NXPE2: variants seen among roughly 807,000 people sequenced by gnomAD.
NXPE2 encodes the protein neurexophilin and PC-esterase domain family member 2.
In NXPE2, 34 loss-of-function variants were observed where a neutral mutation model predicts 34.4. The ratio of observed to expected loss-of-function variants is 0.99; its 90% CI spans 0.75 to 1.31. NXPE2 has a LOEUF of 1.31. Ranked by LOEUF, NXPE2 falls within the 40% of genes most tolerant of loss-of-function variation. NXPE2 has a pLI of 0.00. For synonymous variants in NXPE2, 235 were observed against 231.3 expected (o/e 1.02, Z -0.15); for missense variants, 649 against 672.5 (o/e 0.97, Z 0.39).
the NXPE2 span, among the ~76,000 whole-genome samples, chr11:114,602,118 A>G: frequency 2.0e-5 from 2 of 101,546 alleles, no homozygotes; most frequent in African/African-American, 8.2e-5. Flanking sequence ...ATATATAATT[A>G]TATATATTAT....
chr11:114,526,613 C>T, the NXPE2 span: 1 of 152,216 alleles, frequency 6.6e-6, no homozygotes, highest in Non-Finnish European at 1.5e-5. Context: ...GGTTCTTCCT[C>T]TCTTTCTAGG....
the NXPE2 span, among the ~76,000 whole-genome samples, chr11:114,539,721 T>C: frequency 1.3e-5 from 2 of 152,136 alleles, no homozygotes; most frequent in Non-Finnish European, 2.9e-5. Flanking sequence ...ATACTAGCCC[T>C]AGTGTAAATT....
the NXPE2 span, among the ~76,000 whole-genome samples, chr11:114,501,009 AC>A: frequency 1.3e-5 from 2 of 152,072 alleles, no homozygotes; most frequent in African/African-American, 4.8e-5. Context: ...ACTCTCTTTG[AC>A]CCCTGAATTA....
chr11:114,483,522 A>G, the NXPE2 span, among the ~76,000 whole-genome samples: 2 of 152,228 alleles, frequency 1.3e-5, no homozygotes, highest in South Asian at 4.1e-4. Context: ...GGCACATCTT[A>G]GTACTAAACA....
At chr11:114,633,432 T>C in the NXPE2 span, among the ~76,000 whole-genome samples, 20,496 of 145,856 alleles carry the variant, frequency 0.14, 1,847 homozygotes, top group East Asian at 0.38. Context: ...TACAATATAG[T>C]ATAGTATACA....
the NXPE2 span, among the ~76,000 whole-genome samples, chr11:114,632,167 CAT>C: frequency 7.3e-6 from 1 of 137,732 alleles, no homozygotes; most frequent in Non-Finnish European, 1.5e-5. Flanking sequence ...TAAAATTTAT[CAT>C]ATAATATATA....
the NXPE2 span, among the ~76,000 whole-genome samples, chr11:114,485,695 A>G: frequency 3.3e-5 from 5 of 151,938 alleles, no homozygotes; most frequent in Admixed American, 2.6e-4. Flanking sequence ...TTCTATCTCC[A>G]TGAGTTCAAT....
chr11:114,508,007 C>T, the NXPE2 span, among the ~76,000 whole-genome samples: 20 of 152,226 alleles, frequency 1.3e-4, no homozygotes, highest in Middle Eastern at 6.8e-3. Context: ...AGCCTCAGCC[C>T]AAAAGCTTCT....
the NXPE2 span, chr11:114,530,141 G>A: frequency 6.5e-7 from 1 of 1,550,272 alleles, no homozygotes; most frequent in Non-Finnish European, 8.7e-7. Flanking sequence ...CTTCTCAGGG[G>A]ACACTTCTCA....
At chr11:114,624,171 G>A in the NXPE2 span, among the ~76,000 whole-genome samples, 1 of 151,844 alleles carries the variant, frequency 6.6e-6, no homozygotes, top group Non-Finnish European at 1.5e-5. Flanking sequence ...AATGTTATAT[G>A]GTAGATAATA....
chr11:114,519,265 T>A, the NXPE2 span, among the ~76,000 whole-genome samples: 1 of 152,220 alleles, frequency 6.6e-6, no homozygotes, highest in African/African-American at 2.4e-5. Flanking sequence ...CCCACTGAAT[T>A]CGTATTAATA....
At chr11:114,746,735 C>G in the NXPE2 span, among the ~76,000 whole-genome samples, 1 of 152,120 alleles carries the variant, frequency 6.6e-6, no homozygotes, top group Non-Finnish European at 1.5e-5. Flanking sequence ...CCTGTAGTCC[C>G]AGATCCTTGG....
chr11:114,567,130 C>G, the NXPE2 span, among the ~76,000 whole-genome samples: 1 of 152,120 alleles, frequency 6.6e-6, no homozygotes, highest in Non-Finnish European at 1.5e-5. Flanking sequence ...CAGCCATGTT[C>G]CCAGAATAAG....
chr11:114,811,398 A>C, the NXPE2 span, among the ~76,000 whole-genome samples: 146,223 of 151,946 alleles, frequency 0.96, 70,618 homozygotes, highest in Middle Eastern at 1. Context: ...CACACACACA[A>C]AAAAAAGGTA....
At chr11:114,715,344 G>A in the NXPE2 span, among the ~76,000 whole-genome samples, 22,559 of 152,074 alleles carry the variant, frequency 0.15, 1,969 homozygotes, top group East Asian at 0.37. Context: ...ATGTAATTGC[G>A]CAAAATCAAC....
the NXPE2 span, among the ~76,000 whole-genome samples, chr11:114,640,954 A>G: frequency 6.6e-6 from 1 of 152,066 alleles, no homozygotes; most frequent in Admixed American, 6.6e-5. Context: ...AAAAGGCAGT[A>G]GAACACATAG....
the NXPE2 span, among the ~76,000 whole-genome samples, chr11:114,648,521 A>G: frequency 0.01 from 1,553 of 152,304 alleles, 22 homozygotes; most frequent in African/African-American, 0.035. Context: ...TTAAACGTTA[A>G]TCTACCAAAA....
chr11:114,621,675 G>A, the NXPE2 span, among the ~76,000 whole-genome samples: 1 of 152,162 alleles, frequency 6.6e-6, no homozygotes, highest in African/African-American at 2.4e-5. Context: ...TGGATAATAA[G>A]TGATGCCTCA....
chr11:114,638,844 C>A, the NXPE2 span, among the ~76,000 whole-genome samples: 1 of 151,900 alleles, frequency 6.6e-6, no homozygotes, highest in Non-Finnish European at 1.5e-5. Flanking sequence ...CAGTGGAGTA[C>A]CCAGCCGTGT....
Sources: gnomAD v4.1 joint callset for allele counts (sites outside exome capture counted in the v4.1 genomes callset) on GRCh38, gnomAD v4.1.1 for gene constraint, MANE v1.5 for transcripts, NCBI Gene and HGNC (gene_info 2026-07-23, HGNC 2026-07-21) for gene names.